The following MIPEP variants were observed in gnomAD, a reference collection of about 807,000 sequenced individuals.
MIPEP encodes the protein mitochondrial intermediate peptidase.
In MIPEP, 79 loss-of-function variants were observed where a neutral mutation model predicts 90.3. The observed-to-expected ratio is 0.87, with a 90% CI of 0.73 to 1.05. The LOEUF (loss-of-function observed/expected upper bound fraction) is 1.05. Ranked by LOEUF, MIPEP falls within the 50% of genes least tolerant of loss-of-function variation. The pLI is 0.00. For synonymous variants in MIPEP, 334 were observed against 315.8 expected (o/e 1.06, Z -0.61); for missense variants, 940 against 905.6 (o/e 1.04, Z -0.49).
intron 10 of MIPEP, among the ~76,000 whole-genome samples, chr13:23,850,944 T>C (rs1419327449): frequency 2.6e-5 from 4 of 152,146 alleles, no homozygotes; most frequent in African/African-American, 9.7e-5. Flanking sequence ...GAAAACCTAG[T>C]GAGAAGGAAC....
At chr13:23,887,808 C>A (rs1871571132) in intron 1 of MIPEP, among the ~76,000 whole-genome samples, 1 of 152,136 alleles carries the variant, frequency 6.6e-6, no homozygotes, top group Non-Finnish European at 1.5e-5. Flanking sequence ...TGAAGTTAAG[C>A]TAGTAATCTC....
At chr13:23,780,583 A>C (rs1455811318) in intron 16 of MIPEP, among the ~76,000 whole-genome samples, 2 of 152,268 alleles carry the variant, frequency 1.3e-5, no homozygotes, top group African/African-American at 4.8e-5. Flanking sequence ...CCTCACCAGC[A>C]ACGGAATAAA....
At chr13:23,802,547 A>G (rs1953055872) in intron 16 of MIPEP, among the ~76,000 whole-genome samples, 1 of 152,180 alleles carries the variant, frequency 6.6e-6, no homozygotes, top group Non-Finnish European at 1.5e-5. Context: ...CAGCCTGAGC[A>G]ATAGAGTGAG....
At chr13:23,829,691 C>T (rs1358606816) in intron 14 of MIPEP, among the ~76,000 whole-genome samples, 1 of 152,106 alleles carries the variant, frequency 6.6e-6, no homozygotes, top group Non-Finnish European at 1.5e-5. Flanking sequence ...ACTGTAGTCC[C>T]AGCTACTTGG....
intron 10 of MIPEP, among the ~76,000 whole-genome samples, chr13:23,846,261 T>C (rs1869533463): frequency 6.6e-6 from 1 of 152,128 alleles, no homozygotes; most frequent in Non-Finnish European, 1.5e-5. Flanking sequence ...TTTGCCAACA[T>C]TTACTGGATC....
Position 23,839,694 on chromosome 13 carries a change from C to T in MIPEP, c.1293G>A (p.Gly431=), listed in dbSNP as rs760521167. Residue 431 remains glycine, a synonymous_variant, in exon 12 of 19, where the codon GGG becomes GGA. Coordinates refer to ENST00000382172, the MANE Select transcript of MIPEP (RefSeq NM_005932.4). The part of the protein sequence containing the change: ...AVVHESEGLL[G]YIYCDFFQRA... The stretch of plus-strand genomic sequence containing the variant: ...GCTGAAAAAAATCACAGTAAATGTA[C>T]CCCAACAATCCTTCAGATTCATGAA... The T allele has an allele frequency of 1.2e-6, 2 of 1,612,486 alleles. No individual in the cohort carries two copies. The highest frequency in any genetic ancestry group is 1.7e-6 in the Non-Finnish European group (2 of 1,179,482).
At chr13:23,793,464 C>CA (rs1952921749) in intron 16 of MIPEP, among the ~76,000 whole-genome samples, 1 of 152,050 alleles carries the variant, frequency 6.6e-6, no homozygotes, top group South Asian at 2.1e-4. Context: ...GTTCCACAGG[C>CA]AAACATATTT....
At chr13:23,874,698 T>C (rs1870983351) in intron 5 of MIPEP, 148 bp downstream of exon 5, 1 of 625,374 alleles carries the variant, frequency 1.6e-6, no homozygotes, top group Non-Finnish European at 2.7e-6. Context: ...TCAAATACAA[T>C]CTAAAGAAGA....
chr13:23,826,213 A>T (rs957082869), intron 14 of MIPEP, among the ~76,000 whole-genome samples: 1 of 152,168 alleles, frequency 6.6e-6, no homozygotes, highest in African/African-American at 2.4e-5. Context: ...GATAGAACTA[A>T]GGGGAAATTA....
At chr13:23,745,106 C>CT (rs1446315821) in intron 18 of MIPEP, among the ~76,000 whole-genome samples, 2 of 152,160 alleles carry the variant, frequency 1.3e-5, no homozygotes, top group East Asian at 3.8e-4. Context: ...CTGACATACT[C>CT]TAACTTATGT....
In MIPEP at chr13:23,862,314, AT is replaced by A; in HGVS notation, c.1040del (p.Asn347IlefsTer7). The A allele has an allele frequency of 6.4e-7, 1 of 1,553,396 alleles. No individual in the cohort carries two copies. The highest frequency in any genetic ancestry group is 8.8e-7 in the Non-Finnish European group (1 of 1,131,920). Reference protein sequence around the residue: ...EMIRGMKMKLNPQNSEVMPWD... With the variant: ...EMIRGMKMKLXPQNSEVMPWD... The stretch of plus-strand genomic sequence containing the variant: ...CCAACATACTTACGGAATTTTGAGG[AT>A]TCAGTTTCATTTTCATCCCTCGTAT... On this transcript the variant is annotated frameshift_variant, in exon 9 of 19. Coordinates refer to ENST00000382172, the MANE Select transcript of MIPEP (RefSeq NM_005932.4). LOFTEE classifies it high-confidence loss of function.
chr13:23,774,604 T>C (rs893176196), intron 16 of MIPEP, among the ~76,000 whole-genome samples: 4 of 152,154 alleles, frequency 2.6e-5, no homozygotes, highest in African/African-American at 9.7e-5. Context: ...GTTTATACTT[T>C]ACAAGTCTTG....
chr13:23,847,641 G>A (rs1024987947), intron 10 of MIPEP, among the ~76,000 whole-genome samples: 2 of 152,158 alleles, frequency 1.3e-5, no homozygotes, highest in Non-Finnish European at 2.9e-5. Context: ...TCAGGAGAGA[G>A]TAGGACTGGG....
intron 10 of MIPEP, among the ~76,000 whole-genome samples, chr13:23,849,409 A>AT (rs755961377): frequency 2.0e-5 from 3 of 152,204 alleles, no homozygotes; most frequent in Non-Finnish European, 2.9e-5. Context: ...TTTTATGACT[A>AT]TTTTTTGTAA....
At chr13:23,791,234 G>A (rs973472536) in intron 16 of MIPEP, among the ~76,000 whole-genome samples, 6 of 152,158 alleles carry the variant, frequency 3.9e-5, no homozygotes, top group Admixed American at 3.9e-4. Context: ...CAGCCCTGGT[G>A]AAAGCTAGGC....
intron 16 of MIPEP, among the ~76,000 whole-genome samples, chr13:23,787,491 C>G (rs1001380797): frequency 3.3e-5 from 5 of 152,102 alleles, no homozygotes; most frequent in African/African-American, 1.2e-4. Context: ...TTCTAAGGCA[C>G]TAATCCCTTC....
rs560610362 is a variant in MIPEP, at chr13:23,837,559, G to A, written c.1536C>T (p.His512=). 130 of 1,609,012 alleles carry A rather than the reference G, an allele frequency of 8.1e-5. No homozygotes were observed. In the East Asian group the frequency reaches 1.3e-3, roughly 15 times the overall value. ...GCCCTCCTCATGGCTCACCAGTGAC[G>A]TGTTGGTAACGAGTACGTCCTAGCA... is the stretch of plus-strand genomic sequence containing the variant. ...HSMLGRTRYQ[H]VTGTRCPTDF... The change falls in exon 13 of 19, where the codon CAC becomes CAT. Residue 512 remains histidine (H), a synonymous_variant. Transcript: ENST00000382172.
At chr13:23,741,301 C>A (rs1952326142) in intron 18 of MIPEP, among the ~76,000 whole-genome samples, 1 of 152,140 alleles carries the variant, frequency 6.6e-6, no homozygotes, top group Non-Finnish European at 1.5e-5. Context: ...CCATCTGACC[C>A]AGCAATCCCA....
chr13:23,869,995 A>G lies in MIPEP; in HGVS notation c.786+18T>C, dbSNP rs776567221. 5 of 1,533,632 alleles carry G rather than the reference A, an allele frequency of 3.3e-6. No homozygotes were observed. Among genetic ancestry groups the G allele is most frequent in the Non-Finnish European group, 4.4e-6 (5 of 1,134,986 alleles). On this transcript the variant is annotated intron_variant, in intron 6 of 18. Transcript: ENST00000382172. ...CACAAATGGGACCTAAACAACAAAG[A>G]GAATGAAACATACATACCAAGTCAT...
Sources: allele counts gnomAD v4.1 joint callset (sites outside exome capture counted in the v4.1 genomes callset), GRCh38; gene constraint gnomAD v4.1.1; transcripts MANE v1.5; gene names NCBI Gene and HGNC (gene_info 2026-07-23, HGNC 2026-07-21).